The following KCTD16 variants were observed in gnomAD, a reference collection of about 807,000 sequenced individuals.
KCTD16 encodes the protein potassium channel tetramerization domain containing 16.
Under a neutral mutation model 33.2 loss-of-function variants are expected in KCTD16, and 13 were observed. The ratio of observed to expected loss-of-function variants is 0.39; its 90% CI spans 0.25 to 0.62. The LOEUF (loss-of-function observed/expected upper bound fraction) is 0.62. Among genes scored for constraint, KCTD16 ranks in the 20% least tolerant of loss-of-function variants. The pLI is 0.50. For missense variants in KCTD16, 441 were observed against 525.1 expected (o/e 0.84, Z 1.57); for synonymous variants, 197 against 195.3 (o/e 1.01, Z -0.07).
At chr5:144,417,087 T>TG (rs1196736663) in intron 3 of KCTD16, among the ~76,000 whole-genome samples, 1 of 152,236 alleles carries the variant, frequency 6.6e-6, no homozygotes, top group Non-Finnish European at 1.5e-5. Context: ...TCATCATGCT[T>TG]GAACAGGTAC....
At chr5:144,185,465 A>G (rs1752705949) in intron 2 of KCTD16, among the ~76,000 whole-genome samples, 1 of 152,174 alleles carries the variant, frequency 6.6e-6, no homozygotes, top group Non-Finnish European at 1.5e-5. Context: ...GGTCCCAGAA[A>G]ATGTTCCCAA....
intron 3 of KCTD16, among the ~76,000 whole-genome samples, chr5:144,379,731 A>G (rs886449036): frequency 2.6e-5 from 4 of 152,154 alleles, no homozygotes; most frequent in Non-Finnish European, 5.9e-5. Flanking sequence ...AAGATCATCC[A>G]TGCCTTTTTC....
At chr5:144,334,703 C>T (rs1752438847) in intron 3 of KCTD16, among the ~76,000 whole-genome samples, 1 of 152,180 alleles carries the variant, frequency 6.6e-6, no homozygotes, top group Non-Finnish European at 1.5e-5. Flanking sequence ...TACCGAATTT[C>T]ACATGGTAAT....
chr5:144,190,027 G>A (rs889802908), intron 2 of KCTD16, among the ~76,000 whole-genome samples: 38 of 152,096 alleles, frequency 2.5e-4, no homozygotes, highest in African/African-American at 8.7e-4. Context: ...CAGACCCAGC[G>A]AGAGCAATGA....
chr5:144,328,478 A>C (rs1207088417), intron 3 of KCTD16, among the ~76,000 whole-genome samples: 1 of 151,978 alleles, frequency 6.6e-6, no homozygotes, highest in Non-Finnish European at 1.5e-5. Context: ...AGTGTGTGGG[A>C]TAGGACCAGG....
At chr5:144,294,115 C>A (rs1755971253) in intron 3 of KCTD16, among the ~76,000 whole-genome samples, 1 of 152,082 alleles carries the variant, frequency 6.6e-6, no homozygotes, top group African/African-American at 2.4e-5. Context: ...GCCGAGGTTG[C>A]CCCACTACAC....
chr5:144,298,006 T>A (rs1320307473), intron 3 of KCTD16, among the ~76,000 whole-genome samples: 1 of 152,200 alleles, frequency 6.6e-6, no homozygotes. Flanking sequence ...CGGCAGGGTG[T>A]CCGCTGTGCT....
chr5:144,230,085 T>C (rs1441103413), intron 3 of KCTD16, among the ~76,000 whole-genome samples: 1 of 152,160 alleles, frequency 6.6e-6, no homozygotes, highest in Non-Finnish European at 1.5e-5. Context: ...GAGACTGCAG[T>C]GAGCCAAGAT....
intron 2 of KCTD16, among the ~76,000 whole-genome samples, chr5:144,181,089 C>T (rs547450307): frequency 6.6e-6 from 1 of 152,122 alleles, no homozygotes; most frequent in Non-Finnish European, 1.5e-5. Context: ...CCCACCACCA[C>T]GCCCGGCTAA....
At chr5:144,334,646 T>C (rs1752437112) in intron 3 of KCTD16, among the ~76,000 whole-genome samples, 1 of 152,198 alleles carries the variant, frequency 6.6e-6, no homozygotes, top group African/African-American at 2.4e-5. Flanking sequence ...GAAATTAATA[T>C]TTTTCTTGTT....
chr5:144,360,666 G>C lies in KCTD16; in HGVS notation c.833-112994G>C, dbSNP rs576556058. Among the ~76,000 whole-genome samples the C allele has an allele frequency of 1.8e-4, 27 of 152,186 alleles. No homozygotes were observed. In the South Asian group the frequency reaches 5.2e-3, roughly 29 times the overall value. ...AGGCTGCTCTCAAACTCCTGAGCTC[G>C]TGATCCACCCACCTTTGCCTCCCAA... is the stretch of plus-strand genomic sequence containing the variant. On this transcript the variant is annotated intron_variant, in intron 3 of 3. Transcript: ENST00000512467.
chr5:144,189,732 A>T (rs1752804189), intron 2 of KCTD16, among the ~76,000 whole-genome samples: 1 of 152,258 alleles, frequency 6.6e-6, no homozygotes, highest in African/African-American at 2.4e-5. Context: ...TAGTTTTTTC[A>T]GGTGGTTTGC....
Position 144,479,365 on chromosome 5 carries a change from C to CAAAAAAAAAAAAAAA in KCTD16, c.*5253_*5267dup, listed in dbSNP as rs368957124. Reference sequence around the variant, plus strand: ...CCAAACTGATGTGTAAGAATAAATGCAAAAAAAAAAAAAAAAGAAAAAGAA... The same window carrying CAAAAAAAAAAAAAAA: ...CCAAACTGATGTGTAAGAATAAATGCAAAAAAAAAAAAAAAAAAAAAAAAAAAAAAAGAAAAAGAA... On this transcript the variant is annotated 3_prime_UTR_variant, in exon 4 of 4. Transcript: ENST00000512467. 2 of 92,482 alleles carry CAAAAAAAAAAAAAAA rather than the reference C, an allele frequency of 2.2e-5. No homozygotes were observed. Among genetic ancestry groups the CAAAAAAAAAAAAAAA allele is most frequent in the African/African-American group, 5.0e-5 (1 of 20,132 alleles). 5.7% of individuals were successfully genotyped at this position (92,482 alleles called of 1,614,324 possible).
intron 3 of KCTD16, among the ~76,000 whole-genome samples, chr5:144,386,445 G>A (rs1328566779): frequency 6.6e-6 from 1 of 152,106 alleles, no homozygotes; most frequent in Admixed American, 6.5e-5. Flanking sequence ...CCACTCTATG[G>A]GTAGTACTGT....
chr5:144,370,803 C>T lies in KCTD16; in HGVS notation c.833-102857C>T, dbSNP rs183951387. ...TGCTGGAGTCACTTCCATTGTATTT[C>T]AGAAACAAATATCTTTTCAAGAAAA... On this transcript the variant is annotated intron_variant, in intron 3 of 3. Transcript: ENST00000512467. 8.1e-4 allele frequency among the ~76,000 whole-genome samples: 123 copies of T among 152,176 alleles called. 1 individual carries two copies. The highest frequency in any genetic ancestry group is 2.9e-3 in the African/African-American group (120 of 41,538).
chr5:144,463,475 T>C (rs1294711035), intron 3 of KCTD16, among the ~76,000 whole-genome samples: 1 of 152,182 alleles, frequency 6.6e-6, no homozygotes, highest in East Asian at 1.9e-4. Context: ...GGACAAATCA[T>C]ATCATTCAAT....
chr5:144,257,196 C>T (rs1269917662), intron 3 of KCTD16, among the ~76,000 whole-genome samples: 3 of 152,136 alleles, frequency 2.0e-5, no homozygotes, highest in Non-Finnish European at 4.4e-5. Flanking sequence ...ATACTTTGTA[C>T]ATATTGAACA....
At chr5:144,467,826 G>A (rs1561619328) in intron 3 of KCTD16, among the ~76,000 whole-genome samples, 3 of 152,120 alleles carry the variant, frequency 2.0e-5, no homozygotes, top group South Asian at 4.1e-4. Flanking sequence ...TTATTAAGGT[G>A]TTGTCTCTCA....
chr5:144,239,422 T>C (rs916246779), intron 3 of KCTD16, among the ~76,000 whole-genome samples: 7 of 152,172 alleles, frequency 4.6e-5, no homozygotes, highest in African/African-American at 4.8e-5. Context: ...CCACATTACA[T>C]AGGCCCCAGA....
Sources: gnomAD v4.1 joint callset for allele counts (sites outside exome capture counted in the v4.1 genomes callset) on GRCh38, gnomAD v4.1.1 for gene constraint, MANE v1.5 for transcripts, NCBI Gene and HGNC (gene_info 2026-07-23, HGNC 2026-07-21) for gene names.